HS6ST2: variants seen among roughly 807,000 people sequenced by gnomAD.
HS6ST2 encodes heparan-sulfate 6-O-sulfotransferase 2.
HS6ST2 carries 17 observed loss-of-function variants against 33.0 expected under a neutral mutation model. That is an observed-to-expected ratio of 0.52 (90% CI 0.35 to 0.77). HS6ST2 has a LOEUF of 0.77. Ranked by LOEUF, HS6ST2 falls within the 30% of genes least tolerant of loss-of-function variation. HS6ST2 has a pLI of 0.01. For synonymous variants in HS6ST2, 248 were observed against 237.1 expected, an observed-to-expected ratio of 1.05 and a Z score of -0.42; for missense variants, 519 against 551.7, an observed-to-expected ratio of 0.94 and a Z score of 0.59.
intron 2 of HS6ST2, among the ~76,000 whole-genome samples, chrX:132,881,032 G>A (rs1402936587): frequency 9.1e-6 from 1 of 110,485 alleles, no homozygotes; most frequent in Non-Finnish European, 1.9e-5. Context: ...ATCATTGTTG[G>A]ACATTTGGGT....
chrX:132,956,779 G>A, intron 2 of HS6ST2, 29 bp downstream of exon 2: 1 of 1,141,126 alleles, frequency 8.8e-7, no homozygotes, highest in Non-Finnish European at 1.2e-6. Context: ...CTAGGCCCGG[G>A]TCCCGCTCGA....
At chrX:132,859,357 CAG>C (rs1383913055) in intron 2 of HS6ST2, among the ~76,000 whole-genome samples, 1 of 111,110 alleles carries the variant, frequency 9.0e-6, no homozygotes, top group Non-Finnish European at 1.9e-5. Context: ...AGGATCATGA[CAG>C]AATTATCAAC....
chrX:132,857,356 C>G (rs1022885764), intron 2 of HS6ST2, among the ~76,000 whole-genome samples: 1 of 109,491 alleles, frequency 9.1e-6, no homozygotes, highest in African/African-American at 3.3e-5. Context: ...TGGTGGCGGG[C>G]GCCTGTAATC....
chrX:132,757,567 G>T (rs962961108), intron 2 of HS6ST2, among the ~76,000 whole-genome samples: 3 of 109,600 alleles, frequency 2.7e-5, no homozygotes, highest in African/African-American at 9.9e-5. Context: ...AAAATGGAGA[G>T]AAACGAGGGG....
At chrX:132,651,794 A>C (rs745493112) in intron 4 of HS6ST2, among the ~76,000 whole-genome samples, 2 of 111,612 alleles carry the variant, frequency 1.8e-5, no homozygotes, top group African/African-American at 6.5e-5. Flanking sequence ...GATACCACCC[A>C]AAAAATTGAG....
At chrX:132,641,055 G>A (rs961831457) in intron 4 of HS6ST2, among the ~76,000 whole-genome samples, 1 of 112,237 alleles carries the variant, frequency 8.9e-6, no homozygotes, top group African/African-American at 3.2e-5. Context: ...GTAGTCCATG[G>A]TGTCTATTGT....
chrX:132,884,653 A>C (rs2066227855), intron 2 of HS6ST2, among the ~76,000 whole-genome samples: 1 of 112,067 alleles, frequency 8.9e-6, no homozygotes, highest in Admixed American at 9.5e-5. Context: ...TTCAAAATTA[A>C]TTTGAAGATA....
chrX:132,654,454 T>C (rs953718272), intron 4 of HS6ST2, among the ~76,000 whole-genome samples: 1 of 111,378 alleles, frequency 9.0e-6, no homozygotes, highest in Non-Finnish European at 1.9e-5. Context: ...AGCCCCTCTC[T>C]GTAACATCAT....
chrX:132,647,208 T>C (rs1375415062), intron 4 of HS6ST2, among the ~76,000 whole-genome samples: 1 of 111,163 alleles, frequency 9.0e-6, no homozygotes, highest in Non-Finnish European at 1.9e-5. Context: ...GCTGTGTGCA[T>C]CCCCTCTTCT....
At chrX:132,747,038 G>T (rs1420576194) in intron 2 of HS6ST2, among the ~76,000 whole-genome samples, 1 of 112,258 alleles carries the variant, frequency 8.9e-6, no homozygotes, top group African/African-American at 3.2e-5. Context: ...TGGACCCCGT[G>T]CTATCCACTT....
intron 2 of HS6ST2, among the ~76,000 whole-genome samples, chrX:132,759,055 T>C (rs750160797): frequency 2.9e-4 from 33 of 111,946 alleles, no homozygotes; most frequent in Middle Eastern, 4.6e-3. Context: ...ACATTTCCCC[T>C]GAGGGTTATT....
chrX:132,699,156 C>T (rs919519526), intron 3 of HS6ST2, among the ~76,000 whole-genome samples: 1 of 111,402 alleles, frequency 9.0e-6, no homozygotes, highest in Non-Finnish European at 1.9e-5. Context: ...TAAAATACCT[C>T]CTGCATGAGA....
intron 3 of HS6ST2, among the ~76,000 whole-genome samples, chrX:132,698,952 G>A (rs1211882230): frequency 8.9e-6 from 1 of 111,925 alleles, no homozygotes; most frequent in Admixed American, 9.5e-5. Context: ...TGTAATGACT[G>A]AATTAATTAA....
At chrX:132,665,928 T>C (rs1458001779) in intron 4 of HS6ST2, among the ~76,000 whole-genome samples, 2 of 111,177 alleles carry the variant, frequency 1.8e-5, no homozygotes, top group Non-Finnish European at 3.8e-5. Flanking sequence ...GGCAATGAAA[T>C]AGAGCAACCA....
chrX:132,706,480 T>C (rs1375880483), intron 3 of HS6ST2, among the ~76,000 whole-genome samples: 2 of 112,035 alleles, frequency 1.8e-5, no homozygotes, highest in African/African-American at 6.5e-5. Flanking sequence ...CAGTTGGCTA[T>C]AGGAAAAAGA....
At chrX:132,871,082 A>T (rs748896026) in intron 2 of HS6ST2, among the ~76,000 whole-genome samples, 1 of 112,329 alleles carries the variant, frequency 8.9e-6, no homozygotes, top group East Asian at 2.8e-4. Context: ...TACAAGAAAA[A>T]AACAAACAAC....
intron 4 of HS6ST2, among the ~76,000 whole-genome samples, chrX:132,638,047 T>G (rs1332016058): frequency 2.1e-5 from 2 of 95,317 alleles, no homozygotes; most frequent in African/African-American, 7.7e-5. Context: ...GAACTGTGGT[T>G]GGTGGTCCTA....
chrX:132,898,126 A>C (rs1383349066), intron 2 of HS6ST2, among the ~76,000 whole-genome samples: 2 of 109,630 alleles, frequency 1.8e-5, no homozygotes, highest in Non-Finnish European at 3.8e-5. Context: ...TCCTCATGAG[A>C]ATCTAATGCT....
intron 2 of HS6ST2, among the ~76,000 whole-genome samples, chrX:132,772,665 T>G (rs2064912629): frequency 1.0e-5 from 1 of 99,211 alleles, no homozygotes; most frequent in African/African-American, 3.6e-5. Flanking sequence ...GTATGCAATA[T>G]AATTATATTG....
Sources: allele counts gnomAD v4.1 joint callset (sites outside exome capture counted in the v4.1 genomes callset), GRCh38; gene constraint gnomAD v4.1.1; transcripts MANE v1.5; gene names NCBI Gene and HGNC (gene_info 2026-07-23, HGNC 2026-07-21).